CELF2: variants seen among roughly 807,000 people sequenced by gnomAD.
CELF2 encodes CUGBP Elav-like family member 2.
In CELF2, 8 loss-of-function variants were observed where a neutral mutation model predicts 62.6. The ratio of observed to expected loss-of-function variants is 0.13; its 90% CI spans 0.07 to 0.23. The LOEUF (loss-of-function observed/expected upper bound fraction) is 0.23, where lower values mean the gene tolerates loss of function less well. Among genes scored for constraint, CELF2 ranks in the 10% least tolerant of loss-of-function variants. CELF2 has a pLI of 1.00. For missense variants in CELF2, 333 were observed against 671.0 expected (o/e 0.50, Z 5.56); for synonymous variants, 258 against 250.0 (o/e 1.03, Z -0.30).
At chr10:10,719,222 T>G in the CELF2 span, among the ~76,000 whole-genome samples, 22 of 152,002 alleles carry the variant, frequency 1.4e-4, no homozygotes, top group African/African-American at 5.1e-4. Context: ...CTTCTCAAAG[T>G]GCTGGGATTA....
In CELF2 at chr10:11,039,451, T is replaced by C. The variant is rs1258490581; in HGVS notation, c.74+21288T>C. Among the ~76,000 whole-genome samples the C allele has an allele frequency of 6.6e-6, 1 of 152,234 alleles. No homozygotes were observed. The highest frequency in any genetic ancestry group is 1.5e-5 in the Non-Finnish European group (1 of 68,042). ...GGTTGTGTGAATTATACCATTAGGG[T>C]GGTGAGCTATGTAGTCACGGTCACA... On this transcript the variant is annotated intron_variant, in intron 1 of 12. Coordinates refer to ENST00000633077, the MANE Select transcript of CELF2 (RefSeq NM_001326342.2). The surrounding 1 kb of genome is among the most constrained non-coding windows in gnomAD (Gnocchi z 4.1).
Position 11,285,723 on chromosome 10 carries a change from G to A in CELF2, c.842-2695G>A, listed in dbSNP as rs2090994912. Among the ~76,000 whole-genome samples, 1 of 152,114 alleles carries A rather than the reference G, an allele frequency of 6.6e-6. No individual in the cohort carries two copies. The highest frequency in any genetic ancestry group is 2.4e-5 in the African/African-American group (1 of 41,398). ...GAAAACTAAAACCTTGGCTAGCTCT[G>A]TACAGACAATACTCTTCAGAGCAAT... On this transcript the variant is annotated intron_variant, in intron 8 of 12. Coordinates refer to ENST00000633077, the MANE Select transcript of CELF2 (RefSeq NM_001326342.2). The surrounding 1 kb of genome is among the most constrained non-coding windows in gnomAD (Gnocchi z 4.3).
chr10:10,977,581 A>G (rs1187940010), intron 2 of CELF2, among the ~76,000 whole-genome samples: 2 of 152,250 alleles, frequency 1.3e-5, no homozygotes, highest in Non-Finnish European at 2.9e-5. Context: ...CAATTTAGAT[A>G]TTCTGAAACA....
At chr10:10,943,718 C>G (rs1165560542) in intron 2 of CELF2, among the ~76,000 whole-genome samples, 1 of 151,978 alleles carries the variant, frequency 6.6e-6, no homozygotes, top group African/African-American at 2.4e-5. Context: ...CCCACCTCAG[C>G]CTCCTGAGTG....
In CELF2 at chr10:11,302,685, T is replaced by A. The variant is rs915268482; in HGVS notation, c.977-11454T>A. ...TGGGTGTACTTGGTGTGGCAGCTGC[T>A]GTGTATAGGTTTCCCCGGGAGAGAA... On this transcript the variant is annotated intron_variant, in intron 9 of 12. Transcript: ENST00000633077. The surrounding 1 kb of genome is among the most constrained non-coding windows in gnomAD (Gnocchi z 5.0). 2.6e-5 allele frequency among the ~76,000 whole-genome samples: 4 copies of A among 152,206 alleles called. No individual in the cohort carries two copies. Among genetic ancestry groups the A allele is most frequent in the Non-Finnish European group, 1.5e-5 (1 of 68,038 alleles).
At chr10:11,038,934 A>G (rs929908889) in intron 1 of CELF2, among the ~76,000 whole-genome samples, 1 of 152,198 alleles carries the variant, frequency 6.6e-6, no homozygotes, top group African/African-American at 2.4e-5. Context: ...AAATTTTTAC[A>G]GATTCTTTGA....
At chr10:10,747,553 G>A in the CELF2 span, among the ~76,000 whole-genome samples, 28 of 152,082 alleles carry the variant, frequency 1.8e-4, no homozygotes, top group Admixed American at 1.8e-3. Context: ...AGGGAAAGCG[G>A]GGATCATCAG....
chr10:10,712,542 A>G, the CELF2 span, among the ~76,000 whole-genome samples: 1 of 152,048 alleles, frequency 6.6e-6, no homozygotes, highest in East Asian at 1.9e-4. Flanking sequence ...GAGTGATTGC[A>G]TCTAGCCCCA....
chr10:11,165,784 G>T lies in CELF2; in HGVS notation c.271+102G>T, dbSNP rs1363275690. Reference sequence around the variant, plus strand: ...CTGCAGGAGGAAGGGCGGGTAGGCAGGAGGGCTGGAAGCAGCCGGTGCTGG... The same window carrying T: ...CTGCAGGAGGAAGGGCGGGTAGGCATGAGGGCTGGAAGCAGCCGGTGCTGG... On this transcript the variant is annotated intron_variant, in intron 2 of 12. Coordinates refer to ENST00000633077, the MANE Select transcript of CELF2 (RefSeq NM_001326342.2). The surrounding 1 kb of genome is among the most constrained non-coding windows in gnomAD (Gnocchi z 7.4). The T allele has an allele frequency of 8.7e-7, 1 of 1,146,132 alleles. No homozygotes were observed. The highest frequency in any genetic ancestry group is 1.2e-6 in the Non-Finnish European group (1 of 826,858). 71.0% of individuals were successfully genotyped at this position (1,146,132 alleles called of 1,614,324 possible).
intron 2 of CELF2, among the ~76,000 whole-genome samples, chr10:11,197,002 G>GTGAAAGAAAGAAAA (rs2057752093): frequency 7.2e-5 from 1 of 13,858 alleles, no homozygotes; most frequent in Non-Finnish European, 1.4e-4. Context: ...AGGAAGGAAG[G>GTGAAAGAAAGAAAA]AGAAAGAAAG....
the CELF2 span, among the ~76,000 whole-genome samples, chr10:10,527,014 G>A: frequency 1.3e-5 from 2 of 152,352 alleles, no homozygotes; most frequent in East Asian, 1.9e-4. Flanking sequence ...TTCATTACAA[G>A]TGAAAACAAT....
chr10:10,539,564 A>G, the CELF2 span, among the ~76,000 whole-genome samples: 1 of 151,894 alleles, frequency 6.6e-6, no homozygotes, highest in African/African-American at 2.4e-5. Flanking sequence ...AGAGAAGGCC[A>G]TATTCCCTGA....
chr10:11,170,931 T>G (rs1281507504), intron 2 of CELF2, among the ~76,000 whole-genome samples: 6 of 152,188 alleles, frequency 3.9e-5, no homozygotes, highest in African/African-American at 1.4e-4. Flanking sequence ...CATTCTGATT[T>G]TATGGAAGTG....
At chr10:10,999,863 T>A (rs535644044) in intron 2 of CELF2, among the ~76,000 whole-genome samples, 1 of 152,244 alleles carries the variant, frequency 6.6e-6, no homozygotes, top group Non-Finnish European at 1.5e-5. Flanking sequence ...CATATTCACA[T>A]TTGGATGCCC....
chr10:10,956,172 C>T lies in CELF2; in HGVS notation c.89+36173C>T, dbSNP rs900010995. Among the ~76,000 whole-genome samples, 143 of 152,168 alleles carry T rather than the reference C, an allele frequency of 9.4e-4. 1 individual carries two copies. Among genetic ancestry groups the T allele is most frequent in the Non-Finnish European group, 1.3e-3 (88 of 68,034 alleles). On this transcript the variant is annotated intron_variant, in intron 2 of 13. Transcript: ENST00000636488. ...TTTCTCCTCTAAGTTTGATGGGGAG[C>T]TTACTGAATGTCGATACTGAGTTAT... is the stretch of plus-strand genomic sequence containing the variant.
At chr10:10,941,371 AG>A (rs2047031344) in intron 2 of CELF2, among the ~76,000 whole-genome samples, 1 of 152,184 alleles carries the variant, frequency 6.6e-6, no homozygotes, top group Non-Finnish European at 1.5e-5. Context: ...GTGGGAATTC[AG>A]TCCATAAACC....
rs1447221226 is a variant in CELF2 at position 11,335,742 on chromosome 10, G to T, written c.*6689G>T. ...GGGAGGGGGATGTTGGGAGGCATGGGGGGTGATTAAATTATCATTTCCAAG... is the reference window on the plus strand; with the variant it reads ...GGGAGGGGGATGTTGGGAGGCATGGTGGGTGATTAAATTATCATTTCCAAG... On this transcript the variant is annotated 3_prime_UTR_variant, in exon 13 of 13. Coordinates refer to ENST00000633077, the MANE Select transcript of CELF2 (RefSeq NM_001326342.2). This position sits in a 1 kb window ranked among gnomAD's most constrained non-coding sequence, Gnocchi z 5.0. 6.6e-6 allele frequency: 1 copy of T among 152,020 alleles called. No homozygotes were observed. The highest frequency in any genetic ancestry group is 1.5e-5 in the Non-Finnish European group (1 of 68,004). The allele number at this position is 152,020 out of a possible 1,614,324, so 9.4% of individuals were successfully genotyped here. A position where few individuals can be genotyped will look rare whatever the true frequency, so the allele number is the denominator to read the frequency against.
chr10:10,492,419 C>A, the CELF2 span, among the ~76,000 whole-genome samples: 1 of 152,096 alleles, frequency 6.6e-6, no homozygotes, highest in Non-Finnish European at 1.5e-5. Flanking sequence ...ATGTAACAAA[C>A]CTGCACGTTG....
At chr10:10,792,045 G>GGGAGGAAGGAAGGAGGGAGAGAA in the CELF2 span, among the ~76,000 whole-genome samples, 1 of 126,158 alleles carries the variant, frequency 7.9e-6, no homozygotes, top group Admixed American at 7.7e-5. Context: ...GAGGGAGAGA[G>GGGAGGAAGGAAGGAGGGAGAGAA]GGAGGAAGGA....
Sources: allele counts gnomAD v4.1 joint callset (sites outside exome capture counted in the v4.1 genomes callset), GRCh38; gene constraint gnomAD v4.1.1; non-coding constraint Gnocchi (gnomAD v3.1); transcripts MANE v1.5; gene names NCBI Gene and HGNC (gene_info 2026-07-23, HGNC 2026-07-21).